Variants in RPS20 observed in about 807,000 individuals in gnomAD.
The protein encoded by RPS20 is small ribosomal subunit protein uS10.
RPS20 carries 3 observed loss-of-function variants against 15.3 expected under a neutral mutation model. The observed-to-expected ratio is 0.20, with a 90% CI of 0.09 to 0.51. The LOEUF (loss-of-function observed/expected upper bound fraction) is 0.51, where lower values mean the gene tolerates loss of function less well. RPS20 is among the 20% of genes least tolerant of loss of function. RPS20 has a pLI of 0.96. For missense variants in RPS20, 67 were observed against 145.9 expected, an observed-to-expected ratio of 0.46 and a Z score of 2.79; for synonymous variants, 62 against 47.8, an observed-to-expected ratio of 1.30 and a Z score of -1.23.
In RPS20 at chr8:56,073,094, G is replaced by C. The variant is rs762595301; in HGVS notation, c.356C>G (p.Ala119Gly). ...GVEVEVTIAD[A>G] Reference sequence around the variant, plus strand: ...CAATTTATTAAAATAGTTGACTTAAGCATCTGCAATGGTGACTTCCACCTC... The same window carrying C: ...CAATTTATTAAAATAGTTGACTTAACCATCTGCAATGGTGACTTCCACCTC... The change falls in exon 4 of 4, where the codon GCT (alanine) becomes GGT (glycine). Residue 119 changes from alanine (A) to glycine (G), a missense_variant. Physicochemically the swap from Ala to Gly is moderately conservative, Grantham distance 60 (BLOSUM62 0). Coordinates refer to ENST00000009589, the MANE Select transcript of RPS20 (RefSeq NM_001023.4). 7 of 1,593,402 alleles carry C rather than the reference G, an allele frequency of 4.4e-6. No individual in the cohort carries two copies. The South Asian group carries it at 5.5e-5, about 13-fold the overall frequency.
downstream of RPS20, among the ~76,000 whole-genome samples, chr8:56,071,020 TTAAG>T (rs1445280667): frequency 4.6e-5 from 7 of 152,240 alleles, no homozygotes; most frequent in African/African-American, 1.7e-4. Context: ...GCAGGTATTT[TTAAG>T]TGTTTGAGAA....
chr8:56,070,653 AG>A (rs1809726525), downstream of RPS20, among the ~76,000 whole-genome samples: 1 of 151,542 alleles, frequency 6.6e-6, no homozygotes, highest in African/African-American at 2.4e-5. Flanking sequence ...CGGTTCAGCC[AG>A]GGAGTTGAAG....
At chr8:56,072,875 AG>A, downstream of RPS20, 2 of 1,272,750 alleles carry the variant, frequency 1.6e-6, no homozygotes, top group Non-Finnish European at 2.0e-6. Context: ...CAATAAAACC[AG>A]TCAGGTCTCA....
intron 1 of RPS20, 22 bp from the exon 2 acceptor site, chr8:56,074,181 A>T: frequency 3.8e-6 from 6 of 1,595,864 alleles, no homozygotes; most frequent in Non-Finnish European, 5.1e-6. Flanking sequence ...TACATGAAAA[A>T]GAACAATAAG....
downstream of RPS20, among the ~76,000 whole-genome samples, chr8:56,071,790 A>G (rs567020313): frequency 3.3e-5 from 5 of 152,360 alleles, no homozygotes; most frequent in African/African-American, 1.2e-4. Context: ...CCAAATCCAA[A>G]AAGAAAAAAC....
downstream of RPS20, among the ~76,000 whole-genome samples, chr8:56,070,914 T>C (rs1228188635): frequency 6.6e-6 from 1 of 152,136 alleles, no homozygotes; most frequent in Non-Finnish European, 1.5e-5. Context: ...CCATACAAGA[T>C]GGCCTGTTAA....
intron 3 of RPS20, 196 bp from the exon 4 acceptor site, chr8:56,073,468 TTGCGCC>T: frequency 1.6e-6 from 1 of 633,338 alleles, no homozygotes; most frequent in Admixed American, 2.8e-5. Context: ...CCCTTAGAGC[TTGCGCC>T]TGTTAAGCAC....
chr8:56,070,810 G>C (rs1164256891), downstream of RPS20, among the ~76,000 whole-genome samples: 1 of 151,668 alleles, frequency 6.6e-6, no homozygotes, highest in Non-Finnish European at 1.5e-5. Context: ...GTTATTGCTA[G>C]CTTACATTTC....
chr8:56,070,592 G>A (rs1456223380), downstream of RPS20, among the ~76,000 whole-genome samples: 3 of 152,060 alleles, frequency 2.0e-5, no homozygotes, highest in South Asian at 2.1e-4. Context: ...CAGGCCAAGC[G>A]TCAAGGTGTG....
Position 56,073,279 on chromosome 8 carries a change from CAA to C in RPS20, c.178-9_178-8del. 6.4e-7 allele frequency: 1 copy of C among 1,572,622 alleles called. No homozygotes were observed. The highest frequency in any genetic ancestry group is 8.7e-7 in the Non-Finnish European group (1 of 1,145,556). On this transcript the variant is annotated splice_polypyrimidine_tract_variant and splice_region_variant and intron_variant, in intron 3 of 3. Coordinates refer to ENST00000009589, the MANE Select transcript of RPS20 (RefSeq NM_001023.4). The stretch of plus-strand genomic sequence containing the variant: ...TTGTAGTGATTCTCAAAGTCTGTAA[CAA>C]AAGACAAAGGAAACCAAGTGTTTAT...
At chr8:56,072,835 A>C (rs1809802454), downstream of RPS20, 1 of 1,172,652 alleles carries the variant, frequency 8.5e-7, no homozygotes, top group Non-Finnish European at 1.1e-6. Flanking sequence ...ATTTATCTAG[A>C]GTATGCCAAA....
At chr8:56,071,568 G>A (rs184696708), downstream of RPS20, among the ~76,000 whole-genome samples, 6 of 152,284 alleles carry the variant, frequency 3.9e-5, no homozygotes, top group East Asian at 1.2e-3. Context: ...GAGGGGCAAG[G>A]GGTGACTCCA....
In RPS20 at chr8:56,073,494, C is replaced by T. The variant is rs1809828857; in HGVS notation, c.177+201G>A. ...TGCGCCTGTTAAGCACCAAAGCACA[C>T]CAAGAACACAGCAACAATAATTCAA... is the stretch of plus-strand genomic sequence containing the variant. On this transcript the variant is annotated intron_variant, in intron 3 of 3. Coordinates refer to ENST00000009589, the MANE Select transcript of RPS20 (RefSeq NM_001023.4). The T allele has an allele frequency of 1.1e-5, 7 of 643,156 alleles. No homozygotes were observed. The South Asian group carries it at 1.3e-4, about 12-fold the overall frequency. The allele number at this position is 643,156 out of a possible 1,614,324, so 39.8% of individuals were successfully genotyped here. A position where few individuals can be genotyped will look rare whatever the true frequency, so the allele number is the denominator to read the frequency against.
chr8:56,069,590 C>G (rs965823166), downstream of RPS20: 2 of 780,002 alleles, frequency 2.6e-6, no homozygotes, highest in Non-Finnish European at 4.2e-6. Flanking sequence ...TGAGCCACCC[C>G]GCCCAGCCAT....
rs1426499658 is a variant in RPS20, at chr8:56,073,065, T to C, written c.*25A>G. ...AAAACCAACAGAAGTTAACAACTGG[T>C]CATCAATTTATTAAAATAGTTGACT... On this transcript the variant is annotated 3_prime_UTR_variant, in exon 4 of 4. Coordinates refer to ENST00000009589, the MANE Select transcript of RPS20 (RefSeq NM_001023.4). 1.3e-6 allele frequency: 2 copies of C among 1,586,894 alleles called. No homozygotes were observed. The highest frequency in any genetic ancestry group is 1.7e-6 in the Non-Finnish European group (2 of 1,173,322).
chr8:56,074,482 T>A lies in RPS20; in HGVS notation c.-99A>T. On this transcript the variant is annotated 5_prime_UTR_variant, in exon 1 of 4. In the 5' UTR this introduces an upstream ATG that the reference lacks. Transcript: ENST00000009589. ...CGTGCGGACCAAAAATCCTCAGCCC[T>A]TACGACCGCGTCTTCCTCAAAAAGA... 2 of 1,331,978 alleles carry A rather than the reference T, an allele frequency of 1.5e-6. No homozygotes were observed. The highest frequency in any genetic ancestry group is 1.0e-6 in the Non-Finnish European group (1 of 974,266). 82.5% of individuals were successfully genotyped at this position (1,331,978 alleles called of 1,614,324 possible).
chr8:56,074,266 G>A (rs777658270), intron 1 of RPS20, 107 bp from the exon 2 acceptor site: 7 of 1,520,152 alleles, frequency 4.6e-6, no homozygotes, highest in Non-Finnish European at 5.4e-6. Flanking sequence ...TTTCAGGAGC[G>A]CCTTTCCGCC....
chr8:56,071,143 A>G (rs1809742525), downstream of RPS20, among the ~76,000 whole-genome samples: 1 of 152,264 alleles, frequency 6.6e-6, no homozygotes, highest in African/African-American at 2.4e-5. Context: ...GAAAAAACAC[A>G]ACTGCTCATG....
At chr8:56,069,873 T>C (rs777542374), downstream of RPS20, 43 of 916,730 alleles carry the variant, frequency 4.7e-5, no homozygotes, top group Non-Finnish European at 7.4e-5. Context: ...TTGTCTCTAC[T>C]GCACATGTAT....
Sources: gnomAD v4.1 joint callset for allele counts (sites outside exome capture counted in the v4.1 genomes callset) on GRCh38, gnomAD v4.1.1 for gene constraint, MANE v1.5 for transcripts, NCBI Gene and HGNC (gene_info 2026-07-23, HGNC 2026-07-21) for gene names.